ZNF536: variants seen among roughly 807,000 people sequenced by gnomAD.
ZNF536 encodes zinc finger protein 536.
ZNF536 carries 13 observed loss-of-function variants against 84.5 expected under a neutral mutation model. That is an observed-to-expected ratio of 0.15 (90% CI 0.10 to 0.24). The LOEUF (loss-of-function observed/expected upper bound fraction) is 0.24, where lower values mean the gene tolerates loss of function less well. ZNF536 is among the 10% of genes least tolerant of loss of function. The pLI, the probability that ZNF536 is intolerant of heterozygous loss-of-function variation, is 1.00. For synonymous variants in ZNF536, 811 were observed against 742.5 expected, an observed-to-expected ratio of 1.09 and a Z score of -1.50; for missense variants, 1,536 against 1,747.5, an observed-to-expected ratio of 0.88 and a Z score of 2.16.
At chr19:30,467,834 A>AG (rs909639289) in intron 2 of ZNF536, among the ~76,000 whole-genome samples, 1 of 152,194 alleles carries the variant, frequency 6.6e-6, no homozygotes, top group East Asian at 1.9e-4. Context: ...GTGTACCCTG[A>AG]GGGGGTCACA....
chr19:30,706,305 A>T (rs1194841491), intron 1 of ZNF536, among the ~76,000 whole-genome samples: 1 of 152,160 alleles, frequency 6.6e-6, no homozygotes, highest in Non-Finnish European at 1.5e-5. Flanking sequence ...TAACACGGTG[A>T]AACCCCGTCT....
intron 1 of ZNF536, among the ~76,000 whole-genome samples, chr19:30,637,914 ATG>A (rs150757165): frequency 0.014 from 2,055 of 152,184 alleles, 48 homozygotes; most frequent in African/African-American, 0.047. Flanking sequence ...AGCTGGTGTT[ATG>A]TAGACAAAAT....
intron 2 of ZNF536, among the ~76,000 whole-genome samples, chr19:30,320,655 C>T (rs540902210): frequency 3.0e-4 from 46 of 152,204 alleles, no homozygotes; most frequent in African/African-American, 1.1e-3. Context: ...GCAGATGGAA[C>T]GGTGTGGAGC....
chr19:30,705,510 G>A (rs907991911), intron 1 of ZNF536, among the ~76,000 whole-genome samples: 2 of 152,122 alleles, frequency 1.3e-5, no homozygotes, highest in African/African-American at 4.8e-5. Context: ...TTGGAAATTT[G>A]TTTTAAAGCC....
At chr19:30,611,090 A>AG (rs2048090180) in intron 1 of ZNF536, among the ~76,000 whole-genome samples, 1 of 152,138 alleles carries the variant, frequency 6.6e-6, no homozygotes, top group Non-Finnish European at 1.5e-5. Flanking sequence ...CGTTGTTAGG[A>AG]TAGGGTTAGG....
rs34324485 is a variant in ZNF536 at position 30,609,773 on chromosome 19, C to CCCATCCATCCATCCATCCAT, written c.169+60276_169+60295dup. ...ATCCACCTATCCATCCACCCATCTA[C>CCCATCCATCCATCCATCCAT]CCATCCATCCATCCATCCATCCATC... On this transcript the variant is annotated intron_variant, in intron 1 of 1. Coordinates refer to the ZNF536 transcript ENST00000592773. Among the ~76,000 whole-genome samples the CCCATCCATCCATCCATCCAT allele has an allele frequency of 1.4e-3, 192 of 136,850 alleles. 1 individual carries two copies. Among genetic ancestry groups the CCCATCCATCCATCCATCCAT allele is most frequent in the Admixed American group, 0.01 (143 of 13,904 alleles). The allele number at this position is 136,850 out of a possible 152,430, so 89.8% of individuals were successfully genotyped here.
Position 30,673,740 on chromosome 19 carries a change from G to A in ZNF536, c.170-37017G>A, listed in dbSNP as rs1003759970. Among the ~76,000 whole-genome samples, 8 of 152,170 alleles carry A rather than the reference G, an allele frequency of 5.3e-5. No individual in the cohort carries two copies. The East Asian group carries it at 5.8e-4, about 11-fold the overall frequency. On this transcript the variant is annotated intron_variant, in intron 1 of 1. Transcript: ENST00000592773. ...ACATGCGTGCCCACCACCCCAAACC[G>A]TGCACGGACGCACGTCCCGATGTCA...
intron 3 of ZNF536, among the ~76,000 whole-genome samples, chr19:30,543,111 G>A (rs1234486293): frequency 1.3e-5 from 2 of 152,194 alleles, no homozygotes; most frequent in South Asian, 2.1e-4. Context: ...ATGCCTGGCC[G>A]AGACTTTTCT....
intron 1 of ZNF536, among the ~76,000 whole-genome samples, chr19:30,638,816 A>G (rs1217544877): frequency 6.6e-6 from 1 of 152,224 alleles, no homozygotes; most frequent in Non-Finnish European, 1.5e-5. Flanking sequence ...AGTCAAGAAC[A>G]GGACACATTG....
At chr19:30,235,304 G>C (rs868290076) in intron 1 of ZNF536, among the ~76,000 whole-genome samples, 1 of 152,184 alleles carries the variant, frequency 6.6e-6, no homozygotes, top group Non-Finnish European at 1.5e-5. Flanking sequence ...CAGGAGGCGC[G>C]TGTCTCAGCC....
intron 4 of ZNF536, among the ~76,000 whole-genome samples, chr19:30,551,693 T>C (rs574596347): frequency 8.3e-4 from 127 of 152,344 alleles, no homozygotes; most frequent in African/African-American, 2.6e-3. Context: ...GGGAAGATGC[T>C]GAAATTGACT....
chr19:30,579,974 G>A (rs1429667739), intron 1 of ZNF536, among the ~76,000 whole-genome samples: 4 of 152,126 alleles, frequency 2.6e-5, no homozygotes, highest in African/African-American at 9.7e-5. Flanking sequence ...AGATTGTATG[G>A]CTTCTTCACA....
chr19:30,338,446 CAAT>C (rs1174090946), intron 2 of ZNF536, among the ~76,000 whole-genome samples: 1 of 149,742 alleles, frequency 6.7e-6, no homozygotes, highest in Non-Finnish European at 1.5e-5. Flanking sequence ...ATGGCGATGA[CAAT>C]GATGATATGG....
intron 3 of ZNF536, among the ~76,000 whole-genome samples, chr19:30,357,524 A>G (rs1054605913): frequency 1.3e-5 from 2 of 151,886 alleles, no homozygotes; most frequent in Non-Finnish European, 2.9e-5. Flanking sequence ...AGATGCTCCT[A>G]GGTGCCAGGA....
chr19:30,559,780 C>T (rs2046092958), downstream of ZNF536, among the ~76,000 whole-genome samples: 1 of 152,162 alleles, frequency 6.6e-6, no homozygotes, highest in Non-Finnish European at 1.5e-5. Flanking sequence ...CTCCCTGGAG[C>T]CGTGTATTCA....
intron 2 of ZNF536, among the ~76,000 whole-genome samples, chr19:30,470,593 G>A (rs1347179329): frequency 6.6e-6 from 1 of 151,674 alleles, no homozygotes; most frequent in East Asian, 1.9e-4. Flanking sequence ...CCCCACTAAT[G>A]GACAACCTGT....
intron 1 of ZNF536, among the ~76,000 whole-genome samples, chr19:30,402,794 AAAATATATATATAT>A (rs1281743300): frequency 1.3e-4 from 10 of 76,736 alleles, no homozygotes; most frequent in African/African-American, 3.0e-4. Flanking sequence ...TTAAAATTAA[AAAATATATATATAT>A]ATATATATAT....
intron 1 of ZNF536, among the ~76,000 whole-genome samples, chr19:30,699,829 T>A (rs1307665936): frequency 6.6e-6 from 1 of 152,178 alleles, no homozygotes; most frequent in Non-Finnish European, 1.5e-5. Context: ...GTGAGGGGCT[T>A]CAAGGTCCCC....
At chr19:30,265,609 G>A (rs1399782876) in intron 1 of ZNF536, among the ~76,000 whole-genome samples, 1 of 152,206 alleles carries the variant, frequency 6.6e-6, no homozygotes, top group East Asian at 1.9e-4. Context: ...ATTGCCTGTG[G>A]TCCCTGCTCA....
Sources: gnomAD v4.1 joint callset for allele counts (sites outside exome capture counted in the v4.1 genomes callset) on GRCh38, gnomAD v4.1.1 for gene constraint, MANE v1.5 for transcripts, NCBI Gene and HGNC (gene_info 2026-07-23, HGNC 2026-07-21) for gene names.